The following NUDT9 variants were observed in gnomAD, a reference collection of about 807,000 sequenced individuals.
The protein encoded by NUDT9 is ADP-ribose pyrophosphatase.
In NUDT9, 31 loss-of-function variants were observed where a neutral mutation model predicts 41.0. That is an observed-to-expected ratio of 0.76 (90% confidence interval 0.57 to 1.02). NUDT9 has a LOEUF of 1.02. Among genes scored for constraint, NUDT9 ranks in the 50% least tolerant of loss-of-function variants. The probability of loss-of-function intolerance (pLI) is 0.00; values close to 1 mark genes in which losing one functional copy is unlikely to be tolerated. For synonymous variants in NUDT9, 146 were observed against 147.6 expected, an observed-to-expected ratio of 0.99 and a Z score of 0.08; for missense variants, 380 against 431.4, an observed-to-expected ratio of 0.88 and a Z score of 1.06.
At chr4:87,451,851 T>A in intron 6 of NUDT9, 116 bp downstream of exon 6, 1 of 821,586 alleles carries the variant, frequency 1.2e-6, no homozygotes, top group Non-Finnish European at 1.9e-6. Context: ...CTTGTATATT[T>A]AAAATATATT....
At chr4:87,438,060 A>G (rs757095460) in intron 2 of NUDT9, among the ~76,000 whole-genome samples, 6 of 151,280 alleles carry the variant, frequency 4.0e-5, no homozygotes, top group Non-Finnish European at 8.8e-5. Context: ...AATAATATAT[A>G]TCTTTGTAAT....
chr4:87,454,963 G>C (rs995758530), intron 7 of NUDT9, among the ~76,000 whole-genome samples: 3 of 152,270 alleles, frequency 2.0e-5, no homozygotes, highest in African/African-American at 7.2e-5. Flanking sequence ...ATTTTATGAG[G>C]AGGGTCAAAC....
At position 87,422,707 on chromosome 4, in the gene NUDT9, C is replaced by T; in HGVS notation, c.-199C>T. On this transcript the variant is annotated 5_prime_UTR_variant, in exon 1 of 8. Coordinates refer to ENST00000302174, the MANE Select transcript of NUDT9 (RefSeq NM_024047.5). The stretch of plus-strand genomic sequence containing the variant: ...ATTTTTCTCGATGCACTGGGGAAAG[C>T]GGTGGACTCTTATCGTGGGAGGGCT... 2.2e-6 allele frequency: 1 copy of T among 453,248 alleles called. No individual in the cohort carries two copies. The highest frequency in any genetic ancestry group is 4.0e-5 in the South Asian group (1 of 25,122). The allele number at this position is 453,248 out of a possible 1,614,324, so 28.1% of individuals were successfully genotyped here. A position where few individuals can be genotyped will look rare whatever the true frequency, so the allele number is the denominator to read the frequency against.
At chr4:87,445,066 TAGAC>T in intron 4 of NUDT9, among the ~76,000 whole-genome samples, 1 of 152,336 alleles carries the variant, frequency 6.6e-6, no homozygotes. Flanking sequence ...ATTCTACTTT[TAGAC>T]TAGTCTATTC....
rs1266216536 is a variant in NUDT9, at chr4:87,425,439, G to A, written c.107+2427G>A. Among the ~76,000 whole-genome samples, 3 of 137,162 alleles carry A rather than the reference G, an allele frequency of 2.2e-5. No individual in the cohort carries two copies. In the East Asian group the frequency reaches 6.6e-4, roughly 30 times the overall value. The allele number at this position is 137,162 out of a possible 152,430, so 90.0% of individuals were successfully genotyped here. A position where few individuals can be genotyped will look rare whatever the true frequency, so the allele number is the denominator to read the frequency against. On this transcript the variant is annotated intron_variant, in intron 1 of 7. Transcript: ENST00000302174. ...GATGGAGTCTTGCTCTCGTTGCCAA[G>A]GCTGGAGTGCGGTGGCGTGATCTTG...
chr4:87,441,775 A>C, intron 3 of NUDT9, 54 bp from the exon 4 acceptor site: 2 of 1,378,456 alleles, frequency 1.5e-6, no homozygotes, highest in East Asian at 2.3e-5. Flanking sequence ...ATATCAAATC[A>C]GGTTAAAAAG....
At chr4:87,457,393 C>T (rs1375731578) in intron 7 of NUDT9, among the ~76,000 whole-genome samples, 1 of 151,934 alleles carries the variant, frequency 6.6e-6, no homozygotes, top group Non-Finnish European at 1.5e-5. Context: ...TGTGCCACCA[C>T]TCCTGGCTAA....
intron 1 of NUDT9, among the ~76,000 whole-genome samples, chr4:87,428,713 A>G (rs1174496006): frequency 2.6e-5 from 4 of 152,214 alleles, no homozygotes; most frequent in African/African-American, 9.6e-5. Flanking sequence ...TTGGGGTAGC[A>G]CAGAGGACTT....
Position 87,459,346 on chromosome 4 carries a change from T to G in NUDT9, c.*1325T>G, listed in dbSNP as rs1457053791. ...ATGAGTACTAGGCTTAATACCTTGG[T>G]GATGAAATTATCTGTACAACAAACC... On this transcript the variant is annotated 3_prime_UTR_variant, in exon 8 of 8. Coordinates refer to ENST00000302174, the MANE Select transcript of NUDT9 (RefSeq NM_024047.5). The G allele has an allele frequency of 6.6e-6, 1 of 152,176 alleles. No individual in the cohort carries two copies. Among genetic ancestry groups the G allele is most frequent in the Non-Finnish European group, 1.5e-5 (1 of 68,020 alleles). The allele number at this position is 152,176 out of a possible 1,614,324, so 9.4% of individuals were successfully genotyped here.
At chr4:87,448,361 C>T (rs942493055) in intron 4 of NUDT9, among the ~76,000 whole-genome samples, 1 of 152,066 alleles carries the variant, frequency 6.6e-6, no homozygotes, top group Non-Finnish European at 1.5e-5. Context: ...CCAGGCTGGT[C>T]TTGAACTGCT....
In NUDT9 at chr4:87,458,613, G is replaced by A. The variant is rs1308267811; in HGVS notation, c.*592G>A. The A allele has an allele frequency of 6.6e-6, 1 of 152,106 alleles. No homozygotes were observed. Among genetic ancestry groups the A allele is most frequent in the African/African-American group, 2.4e-5 (1 of 41,400 alleles). 9.4% of individuals were successfully genotyped at this position (152,106 alleles called of 1,614,324 possible). ...TTTTAAGAGGAAATTTCAGCCACTA[G>A]TCAATAGAGATCAAAATCAGTGAAC... On this transcript the variant is annotated 3_prime_UTR_variant, in exon 8 of 8. Transcript: ENST00000302174.
At chr4:87,440,683 T>C (rs1722166037) in intron 3 of NUDT9, among the ~76,000 whole-genome samples, 1 of 152,040 alleles carries the variant, frequency 6.6e-6, no homozygotes, top group African/African-American at 2.4e-5. Context: ...CTGTCTCTAC[T>C]AAAAATGCGA....
intron 1 of NUDT9, among the ~76,000 whole-genome samples, chr4:87,423,759 A>G (rs1721267546): frequency 6.6e-6 from 1 of 151,946 alleles, no homozygotes; most frequent in African/African-American, 2.4e-5. Flanking sequence ...ATCTGTCTAT[A>G]TTTTGATTAA....
At chr4:87,423,076 T>A in intron 1 of NUDT9, 64 bp downstream of exon 1, 1 of 1,259,264 alleles carries the variant, frequency 7.9e-7, no homozygotes. Flanking sequence ...GGGAAGCAGC[T>A]TTTTTTTCTG....
intron 2 of NUDT9, 136 bp from the exon 3 acceptor site, chr4:87,438,138 GAAA>G (rs11395564): frequency 2.1e-4 from 69 of 325,214 alleles, no homozygotes; most frequent in Middle Eastern, 9.8e-4. Flanking sequence ...ATGGATTTGT[GAAA>G]AAAAAAAAAA....
intron 1 of NUDT9, among the ~76,000 whole-genome samples, chr4:87,433,008 C>G (rs1435363474): frequency 6.6e-6 from 1 of 152,016 alleles, no homozygotes; most frequent in African/African-American, 2.4e-5. Context: ...TAATGCTGGC[C>G]TCAGAGTGAG....
chr4:87,453,492 C>T (rs554818624), intron 6 of NUDT9, among the ~76,000 whole-genome samples: 9 of 152,140 alleles, frequency 5.9e-5, no homozygotes, highest in Admixed American at 3.9e-4. Flanking sequence ...TGCAGTGATG[C>T]GATCTCGGCT....
intron 3 of NUDT9, among the ~76,000 whole-genome samples, chr4:87,439,041 C>T (rs940652546): frequency 1.3e-5 from 2 of 151,982 alleles, no homozygotes; most frequent in East Asian, 3.9e-4. Context: ...GTGGCGGGCA[C>T]CTGTAATCCC....
In NUDT9 at chr4:87,459,207, T is replaced by G. The variant is rs1452207456; in HGVS notation, c.*1186T>G. 1 of 152,144 alleles carries G rather than the reference T, an allele frequency of 6.6e-6. No individual in the cohort carries two copies. Among genetic ancestry groups the G allele is most frequent in the Non-Finnish European group, 1.5e-5 (1 of 68,024 alleles). The allele number at this position is 152,144 out of a possible 1,614,324, so 9.4% of individuals were successfully genotyped here. On this transcript the variant is annotated 3_prime_UTR_variant, in exon 8 of 8. Transcript: ENST00000302174. ...AATGCAAGAACAGAAAACCAAACAC[T>G]GCATGTTCTCTTATAAGTGAGAGCT...
Sources: allele counts gnomAD v4.1 joint callset (sites outside exome capture counted in the v4.1 genomes callset), GRCh38; gene constraint gnomAD v4.1.1; transcripts MANE v1.5; gene names NCBI Gene and HGNC (gene_info 2026-07-23, HGNC 2026-07-21).